The following AKAP8 variants were observed in gnomAD, a reference collection of about 807,000 sequenced individuals.
AKAP8 encodes the protein A-kinase anchor protein 8.
In AKAP8, 24 loss-of-function variants were observed where a neutral mutation model predicts 67.5. That is an observed-to-expected ratio of 0.36 (90% CI 0.26 to 0.50). AKAP8 has a LOEUF of 0.50. AKAP8 is among the 20% of genes least tolerant of loss of function. The probability of loss-of-function intolerance (pLI) is 0.97; values close to 1 mark genes in which losing one functional copy is unlikely to be tolerated. For synonymous variants in AKAP8, 400 were observed against 371.1 expected, an observed-to-expected ratio of 1.08 and a Z score of -0.90; for missense variants, 971 against 955.9, an observed-to-expected ratio of 1.02 and a Z score of -0.21.
intron 12 of AKAP8, 149 bp from the exon 13 acceptor site, chr19:15,359,211 G>A (rs1966925293): frequency 4.3e-6 from 3 of 696,140 alleles, no homozygotes; most frequent in Non-Finnish European, 7.3e-6. Context: ...GAAGGCTCCA[G>A]AGACTGTGCA....
intron 9 of AKAP8, among the ~76,000 whole-genome samples, chr19:15,367,874 C>G (rs984451941): frequency 6.6e-6 from 1 of 152,246 alleles, no homozygotes; most frequent in Non-Finnish European, 1.5e-5. Context: ...CTCAGGCCTG[C>G]AGGAGAGTAA....
intron 9 of AKAP8, among the ~76,000 whole-genome samples, chr19:15,364,731 C>T (rs1470636952): frequency 6.6e-6 from 1 of 151,250 alleles, no homozygotes; most frequent in African/African-American, 2.4e-5. Flanking sequence ...TCAGGTGATC[C>T]ACCTGCCTTA....
chr19:15,360,086 G>A (rs1966941415), intron 12 of AKAP8, among the ~76,000 whole-genome samples: 1 of 151,984 alleles, frequency 6.6e-6, no homozygotes, highest in Non-Finnish European at 1.5e-5. Flanking sequence ...AGTGAACTGA[G>A]ATCGTGCCAC....
intron 7 of AKAP8, among the ~76,000 whole-genome samples, 175 bp from the exon 8 acceptor site, chr19:15,370,354 CTG>C (rs1177408798): frequency 6.6e-6 from 1 of 152,094 alleles, no homozygotes; most frequent in Non-Finnish European, 1.5e-5. Context: ...AGGACAGGGC[CTG>C]TGTGTCCTGT....
chr19:15,373,246 A>G lies in AKAP8; in HGVS notation c.466T>C (p.Phe156Leu), dbSNP rs1967193772. The change falls in exon 5 of 14, where the codon TTC becomes CTC. Residue 156 changes from phenylalanine (F) to leucine (L), a missense_variant. Phe to Leu is a conservative substitution (Grantham distance 22, BLOSUM62 0). Around this residue, in one of 3 missense-constraint regions of AKAP8, gnomAD observed 763 missense variants for 745.4 expected, o/e 1.02. Coordinates refer to ENST00000269701, the MANE Select transcript of AKAP8 (RefSeq NM_005858.4). Reference sequence around the variant, plus strand: ...CCATTGCGGTCGGACCCCAGGTCGAACTCATAGTCGTAGCTGTAGCTGGGG... The same window carrying G: ...CCATTGCGGTCGGACCCCAGGTCGAGCTCATAGTCGTAGCTGTAGCTGGGG... ...YRPSYSYDYEFDLGSDRNGSF... is the reference protein window; with the variant it reads ...YRPSYSYDYELDLGSDRNGSF... 6.2e-7 allele frequency: 1 copy of G among 1,613,958 alleles called. No homozygotes were observed. The highest frequency in any genetic ancestry group is 8.5e-7 in the Non-Finnish European group (1 of 1,180,016).
intron 13 of AKAP8, among the ~76,000 whole-genome samples, chr19:15,356,580 G>A (rs1294030609): frequency 2.6e-5 from 4 of 151,660 alleles, no homozygotes; most frequent in South Asian, 2.1e-4. Context: ...CCTGGGCAAC[G>A]TGGCGAATCA....
At chr19:15,359,875 T>C (rs1966937125) in intron 12 of AKAP8, among the ~76,000 whole-genome samples, 1 of 152,058 alleles carries the variant, frequency 6.6e-6, no homozygotes, top group South Asian at 2.1e-4. Flanking sequence ...GGCTCACACC[T>C]GTAATCCCAG....
At chr19:15,361,526 A>AT (rs759418943) in intron 11 of AKAP8, 15 of 468,212 alleles carry the variant, frequency 3.2e-5, no homozygotes, top group African/African-American at 6.1e-5. Flanking sequence ...AATTTTTTGT[A>AT]TTTTTTTAGT....
chr19:15,364,120 A>AAAAAAAAG (rs1339797846), intron 9 of AKAP8, among the ~76,000 whole-genome samples: 15 of 144,842 alleles, frequency 1.0e-4, no homozygotes, highest in Non-Finnish European at 2.3e-4. Context: ...AAAAAAAAAA[A>AAAAAAAAG]AAAAAGAAAC....
At chr19:15,367,194 C>T (rs964049429) in intron 9 of AKAP8, among the ~76,000 whole-genome samples, 6 of 152,240 alleles carry the variant, frequency 3.9e-5, no homozygotes, top group Non-Finnish European at 8.8e-5. Flanking sequence ...GTGTGAGCCA[C>T]GGCATCTGGC....
intron 4 of AKAP8, 74 bp from the exon 5 acceptor site, chr19:15,373,414 G>A (rs540677287): frequency 1.7e-5 from 26 of 1,492,192 alleles, no homozygotes; most frequent in East Asian, 1.2e-4. Flanking sequence ...GTATAACCTC[G>A]ACGCCCCTAC....
chr19:15,370,126 AG>A lies in AKAP8; in HGVS notation c.1072+19del. ...GCTGGGAAGACACAGGAAAGCTGCAAGGGACACGGTGATGCCTACCTCTTTG... is the reference window on the plus strand; with the variant it reads ...GCTGGGAAGACACAGGAAAGCTGCAAGGACACGGTGATGCCTACCTCTTTG... On this transcript the variant is annotated intron_variant, in intron 8 of 13. Transcript: ENST00000269701. 6.2e-7 allele frequency: 1 copy of A among 1,614,042 alleles called. No homozygotes were observed. Among genetic ancestry groups the A allele is most frequent in the African/African-American group, 1.3e-5 (1 of 75,044 alleles).
chr19:15,367,975 A>G (rs554989275), intron 9 of AKAP8, among the ~76,000 whole-genome samples: 3 of 152,354 alleles, frequency 2.0e-5, no homozygotes, highest in South Asian at 2.1e-4. Context: ...TCAAACACCA[A>G]TCCTCTAAAG....
chr19:15,373,368 G>T, intron 4 of AKAP8, 28 bp from the exon 5 acceptor site: 1 of 1,576,288 alleles, frequency 6.3e-7, no homozygotes, highest in South Asian at 1.2e-5. Context: ...CCCATCAGGG[G>T]CGGTCACCCC....
chr19:15,374,529 C>T lies in AKAP8; in HGVS notation c.91+74G>A, dbSNP rs146514323. On this transcript the variant is annotated intron_variant, in intron 3 of 13. Transcript: ENST00000269701. ...GAAAGTCCACGCCAGACCTCCCTGA[C>T]GGGCTGACCCGCCTGGCCTTCAGAT... 1,760 of 1,551,228 alleles carry T rather than the reference C, an allele frequency of 1.1e-3. 27 individuals are homozygous for T. The African/African-American group carries it at 0.021, about 18-fold the overall frequency.
intron 2 of AKAP8, among the ~76,000 whole-genome samples, chr19:15,376,681 AT>A (rs897676018): frequency 2.6e-5 from 4 of 152,190 alleles, no homozygotes; most frequent in African/African-American, 9.7e-5. Context: ...TAACAAAAAT[AT>A]TTTGCCAAAA....
intron 1 of AKAP8, among the ~76,000 whole-genome samples, chr19:15,377,758 G>A (rs1241973677): frequency 6.6e-6 from 1 of 152,008 alleles, no homozygotes; most frequent in Non-Finnish European, 1.5e-5. Context: ...GTGAGTCACC[G>A]CGCCAGGCCC....
chr19:15,366,179 T>TTA (rs1555755007), intron 9 of AKAP8, among the ~76,000 whole-genome samples: 1 of 126,820 alleles, frequency 7.9e-6, no homozygotes, highest in East Asian at 2.3e-4. Flanking sequence ...CAAAAAGTAG[T>TTA]AAAAAAAAAA....
intron 5 of AKAP8, 132 bp from the exon 6 acceptor site, chr19:15,372,479 T>C (rs1176831996): frequency 5.4e-6 from 7 of 1,307,114 alleles, no homozygotes; most frequent in Non-Finnish European, 7.2e-6. Flanking sequence ...AGAGACAACA[T>C]AATTTGAAAC....
Sources: allele counts gnomAD v4.1 joint callset (sites outside exome capture counted in the v4.1 genomes callset), GRCh38; gene constraint gnomAD v4.1.1; regional missense constraint gnomAD v4.1.1; transcripts MANE v1.5; gene names NCBI Gene and HGNC (gene_info 2026-07-23, HGNC 2026-07-21).